NOS1: variants seen among roughly 807,000 people sequenced by gnomAD.
NOS1 encodes nitric oxide synthase 1.
Under a neutral mutation model 164.5 loss-of-function variants are expected in NOS1, and 51 were observed. That is an observed-to-expected ratio of 0.31 (90% CI 0.25 to 0.39). The LOEUF (loss-of-function observed/expected upper bound fraction) is 0.39. NOS1 is among the 10% of genes least tolerant of loss of function. NOS1 has a pLI of 1.00. For synonymous variants in NOS1, 719 were observed against 745.8 expected (o/e 0.96, Z 0.59); for missense variants, 1,362 against 1,885.6 (o/e 0.72, Z 5.14).
At chr12:117,359,805 T>G (rs1877029974) in intron 1 of NOS1, among the ~76,000 whole-genome samples, 1 of 146,054 alleles carries the variant, frequency 6.8e-6, no homozygotes, top group African/African-American at 2.5e-5. Context: ...CCCCGGTTCC[T>G]ACTGGTGGGG....
intron 1 of NOS1, among the ~76,000 whole-genome samples, chr12:117,354,566 T>C (rs1488380919): frequency 6.6e-6 from 1 of 152,234 alleles, no homozygotes; most frequent in Non-Finnish European, 1.5e-5. Flanking sequence ...TCAGTTGCTA[T>C]CGAGTACTAT....
intron 1 of NOS1, among the ~76,000 whole-genome samples, chr12:117,334,298 A>G (rs1393006997): frequency 6.6e-6 from 1 of 152,162 alleles, no homozygotes; most frequent in Non-Finnish European, 1.5e-5. Flanking sequence ...AGGAGTTGGA[A>G]GGAAGCTGGG....
At chr12:117,287,856 T>C (rs2094566401) in intron 5 of NOS1, among the ~76,000 whole-genome samples, 1 of 152,266 alleles carries the variant, frequency 6.6e-6, no homozygotes, top group Admixed American at 6.5e-5. Context: ...TATCTAGGCA[T>C]GGAATTGCTT....
At position 117,331,411 on chromosome 12, in the gene NOS1, G is replaced by A. The variant is rs181911224; in HGVS notation, c.-342C>T. 2.3e-4 allele frequency: 68 copies of A among 289,558 alleles called. No individual in the cohort carries two copies. The highest frequency in any genetic ancestry group is 1.4e-3 in the African/African-American group (66 of 47,498). The allele number at this position is 289,558 out of a possible 1,614,324, so 17.9% of individuals were successfully genotyped here. On this transcript the variant is annotated 5_prime_UTR_variant, in exon 2 of 29. Coordinates refer to ENST00000317775, the MANE Select transcript of NOS1 (RefSeq NM_000620.5). ...TCTGATGGCTGTGTCTAGAAGTGAC[G>A]CATGATAGATGTGAACTATTCTCTG...
chr12:117,230,174 A>G (rs1250907431), intron 22 of NOS1, among the ~76,000 whole-genome samples: 1 of 152,110 alleles, frequency 6.6e-6, no homozygotes, highest in Admixed American at 6.5e-5. Context: ...TCTGCCTCCC[A>G]GAGTGCTGGG....
rs777052204 is a variant in NOS1 at position 117,258,436 on chromosome 12, A to G, written c.2492T>C (p.Met831Thr). Residue 831 changes from methionine to threonine, a missense_variant, in exon 16 of 29, where the codon ATG (methionine) becomes ACG (threonine). Coordinates refer to ENST00000317775, the MANE Select transcript of NOS1 (RefSeq NM_000620.5). ...CACAGAGTTGGGGTGCCTCATTTCC[A>G]TCAAAGCACAGCCGAATTTCTGGAA... ...ENGEKFGCAL[M>T]EMRHPNSVQE... The G allele has an allele frequency of 6.2e-7, 1 of 1,614,156 alleles. No homozygotes were observed. Among genetic ancestry groups the G allele is most frequent in the Non-Finnish European group, 8.5e-7 (1 of 1,180,030 alleles).
At chr12:117,312,974 CA>C (rs1164606802) in intron 2 of NOS1, among the ~76,000 whole-genome samples, 1 of 152,070 alleles carries the variant, frequency 6.6e-6, no homozygotes, top group Non-Finnish European at 1.5e-5. Context: ...TTGTAATCAT[CA>C]TCATCTAACT....
chr12:117,267,723 T>C (rs1341768108), intron 11 of NOS1, among the ~76,000 whole-genome samples: 3 of 152,308 alleles, frequency 2.0e-5, no homozygotes, highest in East Asian at 3.9e-4. Context: ...TTTGTCTCTG[T>C]TATGTGATAG....
In NOS1 at chr12:117,262,427, GGAGA is replaced by G. The variant is rs538563225; in HGVS notation, c.2222+1458_2222+1461del. Among the ~76,000 whole-genome samples the G allele has an allele frequency of 7.7e-3, 1,027 of 133,418 alleles. 16 individuals carry two copies. The highest frequency in any genetic ancestry group is 0.027 in the African/African-American group (934 of 34,120). 87.5% of individuals were successfully genotyped at this position (133,418 alleles called of 152,430 possible). ...GAAGGAGAGAGAGGGAGGGAGGGAG[GGAGA>G]GAGAGAGAGAGAGAGACAGAGAGAG... On this transcript the variant is annotated intron_variant, in intron 13 of 28. Transcript: ENST00000317775.
chr12:117,226,476 T>C (rs1189750286), intron 24 of NOS1, among the ~76,000 whole-genome samples: 2 of 152,152 alleles, frequency 1.3e-5, no homozygotes, highest in African/African-American at 4.8e-5. Flanking sequence ...TTGCATTGAC[T>C]TGACATTGAC....
rs117996094 is a variant in NOS1 at position 117,329,140 on chromosome 12, A to G, written c.725+1205T>C. Among the ~76,000 whole-genome samples, 1,458 of 152,208 alleles carry G rather than the reference A, an allele frequency of 9.6e-3. 36 individuals are homozygous for G. The South Asian group carries it at 0.099, about 10-fold the overall frequency. On this transcript the variant is annotated intron_variant, in intron 2 of 28. Transcript: ENST00000317775. ...CCTGTAGCACATGACCTCATTACAT[A>G]TTTATATATTTATCTTATTTACCAC...
rs1956468772 is a variant in NOS1, at chr12:117,208,306, G to A, written c.*7003C>T. On this transcript the variant is annotated 3_prime_UTR_variant, in exon 29 of 29. Coordinates refer to ENST00000317775, the MANE Select transcript of NOS1 (RefSeq NM_000620.5). ...GTGGGGTGGGCGTCAGTCCTTCAAG[G>A]AAGGTGCTGGAGCACAGGGACACTT... 1 of 1,289,108 alleles carries A rather than the reference G, an allele frequency of 7.8e-7. No individual in the cohort carries two copies. Among genetic ancestry groups the A allele is most frequent in the African/African-American group, 1.5e-5 (1 of 65,928 alleles). The allele number at this position is 1,289,108 out of a possible 1,614,324, so 79.9% of individuals were successfully genotyped here. A position where few individuals can be genotyped will look rare whatever the true frequency, so the allele number is the denominator to read the frequency against.
At chr12:117,287,970 A>C in intron 5 of NOS1, 104 bp downstream of exon 5, 1 of 1,281,150 alleles carries the variant, frequency 7.8e-7, no homozygotes, top group Non-Finnish European at 1.1e-6. Flanking sequence ...TGTGTATGGC[A>C]GAGGCCTTGT....
intron 1 of NOS1, chr12:117,348,018 T>TA (rs1491219073): frequency 2.3e-5 from 1 of 43,396 alleles, no homozygotes; most frequent in African/African-American, 1.5e-4. Flanking sequence ...ATCCCCTACA[T>TA]TTTTTTTTTT....
At position 117,222,811 on chromosome 12, in the gene NOS1, T is replaced by G. The variant is rs1956729236; in HGVS notation, c.3879A>C (p.Ile1293=). 6.2e-7 allele frequency: 1 copy of G among 1,614,004 alleles called. No homozygotes were observed. Among genetic ancestry groups the G allele is most frequent in the Non-Finnish European group, 8.5e-7 (1 of 1,180,008 alleles). The part of the protein sequence containing the change: ...VLVFGCRQSK[I]DHIYREETLQ... Reference sequence around the variant, plus strand: ...GGGTCTCTTCCCTGTAGATATGATCTATCTTGGATTGCCGGCACCCGAAGA... The same window carrying G: ...GGGTCTCTTCCCTGTAGATATGATCGATCTTGGATTGCCGGCACCCGAAGA... The change falls in exon 26 of 29, where the codon ATA becomes ATC. Residue 1293 remains isoleucine (I), a synonymous_variant. Coordinates refer to ENST00000317775, the MANE Select transcript of NOS1 (RefSeq NM_000620.5).
At chr12:117,310,061 C>A (rs758093534) in intron 3 of NOS1, among the ~76,000 whole-genome samples, 1 of 152,186 alleles carries the variant, frequency 6.6e-6, no homozygotes, top group Non-Finnish European at 1.5e-5. Flanking sequence ...CATGTGCCAC[C>A]ATACCCAGCT....
At chr12:117,345,857 TCAAA>T (rs958220235) in intron 1 of NOS1, among the ~76,000 whole-genome samples, 5 of 152,166 alleles carry the variant, frequency 3.3e-5, no homozygotes, top group African/African-American at 9.7e-5. Context: ...AGACCTTGTC[TCAAA>T]CAAACAAACA....
intron 3 of NOS1, among the ~76,000 whole-genome samples, chr12:117,303,106 G>A (rs1194922095): frequency 6.6e-6 from 1 of 152,106 alleles, no homozygotes; most frequent in African/African-American, 2.4e-5. Flanking sequence ...AAGGCTTCCT[G>A]GTGAGCATGC....
intron 3 of NOS1, among the ~76,000 whole-genome samples, chr12:117,295,794 AT>A (rs765400756): frequency 3.0e-3 from 388 of 127,664 alleles, no homozygotes; most frequent in Middle Eastern, 0.012. Flanking sequence ...TAATTTTTCT[AT>A]TTTTTTTTTT....
Sources: gnomAD v4.1 joint callset for allele counts (sites outside exome capture counted in the v4.1 genomes callset) on GRCh38, gnomAD v4.1.1 for gene constraint, MANE v1.5 for transcripts, NCBI Gene and HGNC (gene_info 2026-07-23, HGNC 2026-07-21) for gene names.